DGKB: variants seen among roughly 807,000 people sequenced by gnomAD.
DGKB encodes the protein diacylglycerol kinase beta.
A neutral mutation model predicts 114.3 loss-of-function variants in DGKB; 67 were observed. That is an observed-to-expected ratio of 0.59 (90% CI 0.48 to 0.72). The LOEUF (loss-of-function observed/expected upper bound fraction) is 0.72. DGKB is among the 30% of genes least tolerant of loss of function. The probability of loss-of-function intolerance (pLI) is 0.00; values close to 1 mark genes in which losing one functional copy is unlikely to be tolerated. For synonymous variants in DGKB, 398 were observed against 323.1 expected (o/e 1.23, Z -2.49); for missense variants, 907 against 975.2 (o/e 0.93, Z 0.93).
intron 1 of DGKB, among the ~76,000 whole-genome samples, chr7:14,886,372 G>A (rs754432169): frequency 4.0e-5 from 6 of 151,786 alleles, no homozygotes; most frequent in Non-Finnish European, 8.8e-5. Context: ...GAAAAATCTA[G>A]TAGGAGATGA....
intron 1 of DGKB, among the ~76,000 whole-genome samples, chr7:14,972,854 A>C (rs1394988197): frequency 6.6e-6 from 1 of 152,036 alleles, no homozygotes; most frequent in Admixed American, 6.6e-5. Flanking sequence ...TTATCTTTCC[A>C]CTCTAAACAC....
intron 1 of DGKB, among the ~76,000 whole-genome samples, chr7:14,966,311 A>C (rs1164394849): frequency 6.6e-6 from 1 of 152,106 alleles, no homozygotes; most frequent in African/African-American, 2.4e-5. Flanking sequence ...AGACATAATA[A>C]AAACTTACTA....
chr7:14,516,201 T>C (rs1200800797), intron 20 of DGKB, among the ~76,000 whole-genome samples: 1 of 152,210 alleles, frequency 6.6e-6, no homozygotes, highest in Non-Finnish European at 1.5e-5. Context: ...AACAATGTAT[T>C]ACTCTAGTTA....
rs113680653 is a variant in DGKB at position 14,928,794 on chromosome 7, G to A, written c.-188+45902C>T. 2.4e-3 allele frequency among the ~76,000 whole-genome samples: 364 copies of A among 151,812 alleles called. 4 individuals carry two copies. Among genetic ancestry groups the A allele is most frequent in the African/African-American group, 8.2e-3 (339 of 41,462 alleles). On this transcript the variant is annotated intron_variant, in intron 1 of 4. Coordinates refer to the DGKB transcript ENST00000437998. ...TCATCAGAATAATGTATATTGTACC[G>A]ATTAAGTAATTTCTCATCATCCATC...
At chr7:14,551,790 G>A (rs896519257) in intron 20 of DGKB, among the ~76,000 whole-genome samples, 3 of 152,102 alleles carry the variant, frequency 2.0e-5, no homozygotes, top group Non-Finnish European at 4.4e-5. Context: ...GTTATACTCA[G>A]TAAGAAATGG....
intron 21 of DGKB, among the ~76,000 whole-genome samples, chr7:14,371,465 G>T (rs1351696886): frequency 6.6e-6 from 1 of 152,020 alleles, no homozygotes; most frequent in Non-Finnish European, 1.5e-5. Flanking sequence ...AGCTTATATG[G>T]TTTCTTTTGA....
chr7:14,485,300 G>GGTGTGTGTGTGTGTGT (rs60976022), intron 20 of DGKB, among the ~76,000 whole-genome samples: 21 of 141,994 alleles, frequency 1.5e-4, no homozygotes, highest in African/African-American at 5.2e-4. Flanking sequence ...ATGCTCATGA[G>GGTGTGTGTGTGTGTGT]GTGTGTGTGT....
chr7:14,254,165 A>C (rs1392333241), intron 23 of DGKB, among the ~76,000 whole-genome samples: 1 of 152,218 alleles, frequency 6.6e-6, no homozygotes, highest in Non-Finnish European at 1.5e-5. Context: ...CTGAGGCTAC[A>C]GAACCAAGAG....
At chr7:14,566,875 A>C (rs1797461141) in intron 20 of DGKB, among the ~76,000 whole-genome samples, 1 of 151,684 alleles carries the variant, frequency 6.6e-6, no homozygotes, top group Non-Finnish European at 1.5e-5. Context: ...ATCTCTTCTT[A>C]AATGCATCCT....
At chr7:14,639,412 C>T (rs1429595565) in intron 13 of DGKB, among the ~76,000 whole-genome samples, 3 of 152,286 alleles carry the variant, frequency 2.0e-5, no homozygotes, top group Middle Eastern at 3.4e-3. Context: ...AAAGGGTTTC[C>T]AGTAGATGCT....
At chr7:14,284,866 TG>T (rs1200793564) in intron 23 of DGKB, among the ~76,000 whole-genome samples, 1 of 73,704 alleles carries the variant, frequency 1.4e-5, no homozygotes, top group African/African-American at 5.5e-5. Context: ...TGTTTTGGGG[TG>T]GGGGGAGGGG....
chr7:14,308,765 C>G (rs1003210625), intron 23 of DGKB, among the ~76,000 whole-genome samples: 26 of 152,240 alleles, frequency 1.7e-4, no homozygotes, highest in African/African-American at 6.3e-4. Flanking sequence ...GAAGAAAGCC[C>G]TTAGAGATTA....
intron 1 of DGKB, among the ~76,000 whole-genome samples, chr7:14,919,864 C>T (rs1263366977): frequency 6.6e-6 from 1 of 152,140 alleles, no homozygotes; most frequent in African/African-American, 2.4e-5. Flanking sequence ...CTCCTTTCCT[C>T]TCCATGTGAC....
intron 13 of DGKB, among the ~76,000 whole-genome samples, chr7:14,652,197 T>TC (rs1814685811): frequency 6.7e-6 from 1 of 150,232 alleles, no homozygotes; most frequent in South Asian, 2.1e-4. Context: ...ACCAAGTCAA[T>TC]CCTAAGCCAA....
intron 21 of DGKB, among the ~76,000 whole-genome samples, chr7:14,453,063 T>C (rs1364645566): frequency 6.6e-6 from 1 of 152,202 alleles, no homozygotes; most frequent in African/African-American, 2.4e-5. Context: ...CTTACACATA[T>C]AGTGATTACT....
intron 20 of DGKB, among the ~76,000 whole-genome samples, chr7:14,494,915 C>A (rs1785087463): frequency 6.6e-6 from 1 of 151,764 alleles, no homozygotes; most frequent in Non-Finnish European, 1.5e-5. Context: ...TATATGGCTT[C>A]ATGATAAAAC....
rs540515257 is a variant in DGKB, at chr7:14,441,994, T to C, written c.1835+36167A>G. 8.5e-5 allele frequency among the ~76,000 whole-genome samples: 13 copies of C among 152,124 alleles called. No homozygotes were observed. In the East Asian group the frequency reaches 1.7e-3, roughly 20 times the overall value. ...GCTTATAATTTTACATCTATGCTAG[T>C]ACTTGATATTAGCTTTTAATTTCCT... On this transcript the variant is annotated intron_variant, in intron 21 of 25. Transcript: ENST00000402815.
intron 21 of DGKB, among the ~76,000 whole-genome samples, chr7:14,463,080 C>T (rs10281980): frequency 1.3e-5 from 2 of 152,056 alleles, no homozygotes; most frequent in Admixed American, 6.6e-5. Flanking sequence ...ACACTTTATA[C>T]AAAAATTAAC....
chr7:14,916,843 C>T (rs1173767341), intron 1 of DGKB, among the ~76,000 whole-genome samples: 1 of 152,026 alleles, frequency 6.6e-6, no homozygotes, highest in Non-Finnish European at 1.5e-5. Flanking sequence ...AATACACATT[C>T]TTTTCACATT....
Sources: gnomAD v4.1 joint callset for allele counts (sites outside exome capture counted in the v4.1 genomes callset) on GRCh38, gnomAD v4.1.1 for gene constraint, MANE v1.5 for transcripts, NCBI Gene and HGNC (gene_info 2026-07-23, HGNC 2026-07-21) for gene names.